DIAPH2: variants seen among roughly 807,000 people sequenced by gnomAD.
The protein encoded by DIAPH2 is diaphanous related formin 2.
A neutral mutation model predicts 92.7 loss-of-function variants in DIAPH2; 35 were observed. The ratio of observed to expected loss-of-function variants is 0.38; its 90% CI spans 0.29 to 0.50. The LOEUF (loss-of-function observed/expected upper bound fraction) is 0.50. Ranked by LOEUF, DIAPH2 falls within the 20% of genes least tolerant of loss-of-function variation. The pLI is 0.94. For missense variants in DIAPH2, 701 were observed against 819.5 expected, an observed-to-expected ratio of 0.86 and a Z score of 1.77; for synonymous variants, 301 against 280.4, an observed-to-expected ratio of 1.07 and a Z score of -0.73.
chrX:96,717,663 T>C (rs1338707700), intron 1 of DIAPH2, among the ~76,000 whole-genome samples: 1 of 104,538 alleles, frequency 9.6e-6, no homozygotes, highest in Non-Finnish European at 2.0e-5. Context: ...CCCCACCCGC[T>C]CTGGCTGCTT....
At chrX:97,541,132 C>T (rs5967325) in intron 26 of DIAPH2, among the ~76,000 whole-genome samples, 2,158 of 111,383 alleles carry the variant, frequency 0.019, 60 homozygotes, top group African/African-American at 0.066. Context: ...TTAAACATGA[C>T]GTTTCCTCCA....
At chrX:96,822,912 A>G (rs1392856162) in intron 4 of DIAPH2, among the ~76,000 whole-genome samples, 1 of 112,338 alleles carries the variant, frequency 8.9e-6, no homozygotes, top group Non-Finnish European at 1.9e-5. Flanking sequence ...GAACAAAGGT[A>G]TTGAACATAG....
chrX:97,334,876 G>GA (rs1483626196), intron 23 of DIAPH2, among the ~76,000 whole-genome samples: 1 of 106,703 alleles, frequency 9.4e-6, no homozygotes, highest in African/African-American at 3.4e-5. Flanking sequence ...AGCTCTTCAG[G>GA]AGACTGAGGC....
rs777223362 is a variant in DIAPH2, at chrX:96,928,295, A to C, written c.979-2438A>C. 9.0e-5 allele frequency among the ~76,000 whole-genome samples: 10 copies of C among 111,215 alleles called. No individual in the cohort carries two copies. The South Asian group carries it at 3.7e-3, about 42-fold the overall frequency. On this transcript the variant is annotated intron_variant, in intron 9 of 26. Coordinates refer to ENST00000324765, the MANE Select transcript of DIAPH2 (RefSeq NM_006729.5). The stretch of plus-strand genomic sequence containing the variant: ...GTGAATTATGTAAAGGACCTAATAC[A>C]TTGTCTAATAACTAATAATAATAAT...
intron 23 of DIAPH2, among the ~76,000 whole-genome samples, chrX:97,286,112 C>A (rs1186768565): frequency 9.6e-6 from 1 of 104,668 alleles, no homozygotes; most frequent in Admixed American, 1.1e-4. Context: ...GCGATCTCGG[C>A]TCACTGCAAC....
chrX:97,088,909 T>C (rs1014468536), intron 19 of DIAPH2, among the ~76,000 whole-genome samples: 1 of 111,423 alleles, frequency 9.0e-6, no homozygotes, highest in African/African-American at 3.3e-5. Context: ...TCTGCCTATT[T>C]TGGGGGCTTT....
chrX:97,273,697 G>T (rs2068410207), intron 23 of DIAPH2, among the ~76,000 whole-genome samples: 1 of 111,619 alleles, frequency 9.0e-6, no homozygotes, highest in Admixed American at 9.6e-5. Context: ...TTCAGTTTAG[G>T]GGGGATTTGT....
intron 1 of DIAPH2, among the ~76,000 whole-genome samples, chrX:96,718,332 C>CTTTTTT (rs1569373693): frequency 1.6e-3 from 11 of 6,831 alleles, no homozygotes; most frequent in African/African-American, 6.4e-3. Context: ...ACCACATTTT[C>CTTTTTT]TTTGTTTTTT....
At chrX:97,519,739 T>G (rs1404221414) in intron 26 of DIAPH2, among the ~76,000 whole-genome samples, 1 of 111,601 alleles carries the variant, frequency 9.0e-6, no homozygotes, top group African/African-American at 3.3e-5. Context: ...TTTTTTATTT[T>G]TATTTTTTTT....
intron 24 of DIAPH2, among the ~76,000 whole-genome samples, chrX:97,369,761 G>T (rs2069426017): frequency 9.0e-6 from 1 of 111,280 alleles, no homozygotes; most frequent in Non-Finnish European, 1.9e-5. Context: ...ACAAGGTTCT[G>T]ACTGGCAATC....
intron 1 of DIAPH2, among the ~76,000 whole-genome samples, chrX:96,723,457 A>G (rs1253988720): frequency 9.0e-6 from 1 of 111,707 alleles, no homozygotes; most frequent in East Asian, 2.8e-4. Flanking sequence ...TGCCTATAGA[A>G]AGGAAAAATC....
At chrX:96,973,564 C>A (rs2065940657) in intron 17 of DIAPH2, among the ~76,000 whole-genome samples, 1 of 111,192 alleles carries the variant, frequency 9.0e-6, no homozygotes, top group Admixed American at 9.6e-5. Context: ...ACTGCAATTC[C>A]TTTTGCATCA....
At chrX:97,577,042 G>A (rs1210592576) in intron 26 of DIAPH2, among the ~76,000 whole-genome samples, 1 of 111,671 alleles carries the variant, frequency 9.0e-6, no homozygotes, top group Non-Finnish European at 1.9e-5. Flanking sequence ...TGTTTTTTAT[G>A]TAGTTAATGC....
intron 17 of DIAPH2, among the ~76,000 whole-genome samples, chrX:97,022,832 T>C (rs1238078226): frequency 9.0e-6 from 1 of 111,605 alleles, no homozygotes; most frequent in Non-Finnish European, 1.9e-5. Context: ...GGTAGGAGGA[T>C]TGTTTCAGCT....
At chrX:96,865,149 A>G (rs150341969) in intron 4 of DIAPH2, among the ~76,000 whole-genome samples, 1 of 112,134 alleles carries the variant, frequency 8.9e-6, no homozygotes, top group South Asian at 3.7e-4. Context: ...AAAATACCAA[A>G]TAGTAATGAG....
intron 23 of DIAPH2, among the ~76,000 whole-genome samples, chrX:97,274,086 GTTTTT>G (rs2068415996): frequency 9.6e-6 from 1 of 103,908 alleles, no homozygotes; most frequent in African/African-American, 3.5e-5. Flanking sequence ...AATCCGTTTT[GTTTTT>G]CCTATCTCTA....
chrX:97,460,799 A>G lies in DIAPH2; in HGVS notation c.3241+31054A>G, dbSNP rs762466690. ...ATAGCTCAGCAGCCTAGTGACAGCA[A>G]CAAGTTCAGACATGGTTGAATGGGA... On this transcript the variant is annotated intron_variant, in intron 26 of 26. Transcript: ENST00000324765. Among the ~76,000 whole-genome samples the G allele has an allele frequency of 7.1e-5, 8 of 111,955 alleles. No individual in the cohort carries two copies. The South Asian group carries it at 3.0e-3, about 42-fold the overall frequency.
chrX:96,878,650 G>A (rs1602588087), intron 4 of DIAPH2, among the ~76,000 whole-genome samples: 1 of 111,064 alleles, frequency 9.0e-6, no homozygotes, highest in Non-Finnish European at 1.9e-5. Flanking sequence ...TGGGGAGTGA[G>A]CCACAAAGTG....
chrX:96,986,863 C>A (rs2066035382), intron 17 of DIAPH2, among the ~76,000 whole-genome samples: 1 of 111,200 alleles, frequency 9.0e-6, no homozygotes, highest in South Asian at 3.8e-4. Flanking sequence ...GTTAAATAAA[C>A]CATTCAATAG....
Sources: gnomAD v4.1 joint callset for allele counts (sites outside exome capture counted in the v4.1 genomes callset) on GRCh38, gnomAD v4.1.1 for gene constraint, MANE v1.5 for transcripts, NCBI Gene and HGNC (gene_info 2026-07-23, HGNC 2026-07-21) for gene names.